The following CTSB variants were observed in gnomAD, a reference collection of about 807,000 sequenced individuals.
CTSB encodes the protein APP secretase.
In CTSB, 57 loss-of-function variants were observed where a neutral mutation model predicts 44.3. The ratio of observed to expected loss-of-function variants is 1.29; its 90% CI spans 1.04 to 1.60. CTSB has a LOEUF of 1.60. Ranked by LOEUF, CTSB falls within the 40% of genes most tolerant of loss-of-function variation. The pLI, the probability that CTSB is intolerant of heterozygous loss-of-function variation, is 0.00. For missense variants in CTSB, 768 were observed against 443.0 expected (o/e 1.73, Z -6.59); for synonymous variants, 320 against 168.0 (o/e 1.91, Z -7.00).
chr8:11,848,273 G>A (rs1813833501), intron 5 of CTSB, 121 bp from the exon 6 acceptor site: 2 of 839,622 alleles, frequency 2.4e-6, no homozygotes, highest in East Asian at 2.5e-5. Flanking sequence ...AGCAAGTGGT[G>A]CGAGCAGACC....
chr8:11,846,025 G>T (rs1813258289), intron 8 of CTSB: 3 of 365,642 alleles, frequency 8.2e-6, no homozygotes, highest in African/African-American at 2.1e-5. Flanking sequence ...CCTACAAAAT[G>T]TGCTTGTTGG....
At chr8:11,847,859 G>GCCC (rs1398737800) in intron 6 of CTSB, 37 bp from the exon 7 acceptor site, 2 of 1,478,858 alleles carry the variant, frequency 1.4e-6, no homozygotes, top group Middle Eastern at 1.8e-4. Context: ...TCAACCTACA[G>GCCC]CCCCCACGGA....
intron 1 of CTSB, among the ~76,000 whole-genome samples, chr8:11,857,263 C>G (rs1047794761): frequency 6.6e-6 from 1 of 152,188 alleles, no homozygotes; most frequent in Admixed American, 6.5e-5. Flanking sequence ...AGGGATCTAA[C>G]TGCCTCAGCT....
At chr8:11,864,682 C>T (rs1361085280) in intron 1 of CTSB, among the ~76,000 whole-genome samples, 1 of 152,070 alleles carries the variant, frequency 6.6e-6, no homozygotes, top group East Asian at 1.9e-4. Flanking sequence ...CATGGCTGGG[C>T]ACAGTGACTC....
Position 11,852,610 on chromosome 8 carries a change from C to T in CTSB, c.212G>A (p.Arg71Lys). The change falls in exon 3 of 10, where the codon AGA becomes AAA. Residue 71 changes from arginine (R) to lysine (K), a missense_variant and splice_region_variant. By Grantham distance (26) the Arg-to-Lys change is conservative. Coordinates refer to ENST00000353047, the MANE Select transcript of CTSB (RefSeq NM_001908.5). The part of the protein sequence containing the change: ...TFLGGPKPPQ[R>K]VMFTEDLKLP... ...GCGGTGCAGAGGAGCAGGCACTCAC[C>T]TCTGGGGTGGCTTGGGCCCACCCAG... is the stretch of plus-strand genomic sequence containing the variant. The T allele has an allele frequency of 6.2e-7, 1 of 1,612,764 alleles. No individual in the cohort carries two copies. Among genetic ancestry groups the T allele is most frequent in the South Asian group, 1.1e-5 (1 of 91,056 alleles).
At chr8:11,846,641 A>G (rs1813401923) in intron 8 of CTSB, among the ~76,000 whole-genome samples, 1 of 152,240 alleles carries the variant, frequency 6.6e-6, no homozygotes, top group African/African-American at 2.4e-5. Context: ...AGATGAAGAA[A>G]ATGTGTCAGC....
chr8:11,846,272 G>C (rs1168982658), intron 8 of CTSB: 2 of 152,490 alleles, frequency 1.3e-5, no homozygotes, highest in African/African-American at 4.8e-5. Context: ...AAGGGGCTCA[G>C]GGCTGCCCAA....
chr8:11,845,032 G>T lies in CTSB; in HGVS notation c.*93C>A, dbSNP rs955792855. 1.2e-6 allele frequency: 1 copy of T among 866,288 alleles called. No homozygotes were observed. Among genetic ancestry groups the T allele is most frequent in the Non-Finnish European group, 1.9e-6 (1 of 529,394 alleles). The allele number at this position is 866,288 out of a possible 1,614,324, so 53.7% of individuals were successfully genotyped here. On this transcript the variant is annotated 3_prime_UTR_variant, in exon 10 of 10. Transcript: ENST00000353047. ...TGGCCAATCCAGTCCTTCAGACCCT[G>T]TCTGAAACTTGTATCTTACGTGAAC...
At chr8:11,865,742 G>A (rs1817033012) in intron 1 of CTSB, among the ~76,000 whole-genome samples, 1 of 151,300 alleles carries the variant, frequency 6.6e-6, no homozygotes, top group Non-Finnish European at 1.5e-5. Flanking sequence ...CCGCGCGGTG[G>A]CTCATGCCTG....
chr8:11,853,972 G>A (rs995787391), intron 1 of CTSB, among the ~76,000 whole-genome samples: 1 of 152,168 alleles, frequency 6.6e-6, no homozygotes, highest in Non-Finnish European at 1.5e-5. Flanking sequence ...GAGGCTGAGA[G>A]GTGGGGCTGG....
At chr8:11,856,026 A>AAAAAT (rs773204612) in intron 1 of CTSB, among the ~76,000 whole-genome samples, 1 of 145,842 alleles carries the variant, frequency 6.9e-6, no homozygotes, top group African/African-American at 2.5e-5. Context: ...ACTCTGCCTC[A>AAAAAT]AAAATAAAAT....
At chr8:11,845,888 C>G in intron 8 of CTSB, 99 bp from the exon 9 acceptor site, 3 of 1,411,256 alleles carry the variant, frequency 2.1e-6, no homozygotes, top group Non-Finnish European at 2.8e-6. Flanking sequence ...GAAGGAGAAA[C>G]AGCTTCCAGA....
rs768595223 is a variant in CTSB at position 11,847,086 on chromosome 8, G to A, written c.759C>T (p.Phe253=). 6.2e-7 allele frequency: 1 copy of A among 1,612,790 alleles called. No homozygotes were observed. The highest frequency in any genetic ancestry group is 1.1e-5 in the South Asian group (1 of 91,066). Residue 253 remains phenylalanine, a synonymous_variant, in exon 8 of 10, where the codon TTC becomes TTT. Transcript: ENST00000353047. The part of the protein sequence containing the change: ...IYKNGPVEGA[F]SVYSDFLLYK... Reference sequence around the variant, plus strand: ...AGAGCAGGAAGTCCGAATACACAGAGAAAGCTCCCTCCACGGGGCCGTTTT... The same window carrying A: ...AGAGCAGGAAGTCCGAATACACAGAAAAAGCTCCCTCCACGGGGCCGTTTT...
intron 1 of CTSB, 51 bp from the exon 2 acceptor site, chr8:11,853,530 G>A (rs1563410636): frequency 1.3e-6 from 2 of 1,531,222 alleles, no homozygotes; most frequent in Non-Finnish European, 1.8e-6. Flanking sequence ...TGGGTCGAGG[G>A]CTCACACACA....
intron 1 of CTSB, among the ~76,000 whole-genome samples, chr8:11,867,072 C>A (rs1463975043): frequency 2.6e-5 from 4 of 152,164 alleles, no homozygotes; most frequent in Admixed American, 2.0e-4. Context: ...CGCTAGGGTC[C>A]TTTTCTTTGC....
intron 1 of CTSB, among the ~76,000 whole-genome samples, chr8:11,862,104 G>A (rs1351507151): frequency 6.6e-6 from 1 of 152,104 alleles, no homozygotes; most frequent in Non-Finnish European, 1.5e-5. Context: ...CTACTCGGGA[G>A]GCTGAGGCAG....
chr8:11,853,636 C>T (rs550476015), intron 1 of CTSB, 157 bp from the exon 2 acceptor site: 3 of 700,350 alleles, frequency 4.3e-6, no homozygotes, highest in Admixed American at 3.2e-5. Flanking sequence ...GGGATCCCCG[C>T]CCCCCTGCCC....
In CTSB at chr8:11,847,622, G is replaced by C. The variant is rs544549594; in HGVS notation, c.676+57C>G. ...GACCTCTTCGCTGCAGCGTGAGGAG[G>C]GATGCAGCAGCTCCCCAGCCTCCAC... On this transcript the variant is annotated intron_variant, in intron 7 of 9. Coordinates refer to ENST00000353047, the MANE Select transcript of CTSB (RefSeq NM_001908.5). 1.3e-5 allele frequency: 19 copies of C among 1,490,808 alleles called. No homozygotes were observed. In the South Asian group the frequency reaches 2.5e-4, roughly 20 times the overall value. The allele number at this position is 1,490,808 out of a possible 1,614,324, so 92.3% of individuals were successfully genotyped here. A position where few individuals can be genotyped will look rare whatever the true frequency, so the allele number is the denominator to read the frequency against.
chr8:11,847,939 G>A (rs1692819), intron 6 of CTSB, 117 bp from the exon 7 acceptor site: 301,859 of 1,362,772 alleles, frequency 0.22, 36,949 homozygotes, highest in Non-Finnish European at 0.25. Flanking sequence ...AGAGGCCTGT[G>A]CACCTGGCTA....
Sources: gnomAD v4.1 joint callset for allele counts (sites outside exome capture counted in the v4.1 genomes callset) on GRCh38, gnomAD v4.1.1 for gene constraint, MANE v1.5 for transcripts, NCBI Gene and HGNC (gene_info 2026-07-23, HGNC 2026-07-21) for gene names.